C2orf68: variants seen among roughly 807,000 people sequenced by gnomAD.
The protein encoded by C2orf68 is chromosome 2 open reading frame 68.
A neutral mutation model predicts 19.1 loss-of-function variants in C2orf68; 15 were observed. The ratio of observed to expected loss-of-function variants is 0.79; its 90% CI spans 0.53 to 1.21. C2orf68 has a LOEUF of 1.21. Ranked by LOEUF, C2orf68 falls within the 50% of genes most tolerant of loss-of-function variation. The pLI is 0.00. For missense variants in C2orf68, 242 were observed against 226.6 expected, an observed-to-expected ratio of 1.07 and a Z score of -0.44; for synonymous variants, 98 against 91.0, an observed-to-expected ratio of 1.08 and a Z score of -0.44.
chr2:85,609,277 G>C (rs147787865), intron 3 of C2orf68, among the ~76,000 whole-genome samples, 158 bp downstream of exon 3: 84 of 152,348 alleles, frequency 5.5e-4, no homozygotes, highest in African/African-American at 2.0e-3. Flanking sequence ...TGAGATGGGA[G>C]TGAGTTGTGC....
chr2:85,611,958 C>G lies in C2orf68; in HGVS notation c.27G>C (p.Pro9=), dbSNP rs545756346. 2 of 1,556,098 alleles carry G rather than the reference C, an allele frequency of 1.3e-6. No individual in the cohort carries two copies. The highest frequency in any genetic ancestry group is 1.4e-5 in the African/African-American group (1 of 71,688). The change falls in exon 1 of 4, where the codon CCG becomes CCC. Residue 9 remains proline, a synonymous_variant. Transcript: ENST00000306336. The stretch of plus-strand genomic sequence containing the variant: ...GCCCCCCAGGCTTGCAGCAGTGCCC[C>G]GGCCGGGGATGCGGCCCCGCCTCCA... MEAGPHPR[P]GHCCKPGGRL... is the part of the protein sequence containing the mutation.
In C2orf68 at chr2:85,611,985, C is replaced by A; in HGVS notation, c.-1G>T. 1 of 1,531,388 alleles carries A rather than the reference C, an allele frequency of 6.5e-7. No individual in the cohort carries two copies. The highest frequency in any genetic ancestry group is 8.7e-7 in the Non-Finnish European group (1 of 1,151,018). The allele number at this position is 1,531,388 out of a possible 1,614,324, so 94.9% of individuals were successfully genotyped here. A position where few individuals can be genotyped will look rare whatever the true frequency, so the allele number is the denominator to read the frequency against. ...GCCGGGGATGCGGCCCCGCCTCCAT[C>A]AGGAGCCGGGGACGCAGAGTCGCCG... is the stretch of plus-strand genomic sequence containing the variant. On this transcript the variant is annotated 5_prime_UTR_variant, in exon 1 of 4. Coordinates refer to ENST00000306336, the MANE Select transcript of C2orf68 (RefSeq NM_001013649.4).
At chr2:85,609,175 G>T in intron 3 of C2orf68, 108 bp from the exon 4 acceptor site, 2 of 1,453,930 alleles carry the variant, frequency 1.4e-6, no homozygotes, top group Non-Finnish European at 1.9e-6. Flanking sequence ...AAGGCTTTTT[G>T]CCAGCACCTG....
chr2:85,609,691 C>CT (rs1164894749), intron 2 of C2orf68, 105 bp from the exon 3 acceptor site: 183 of 1,430,880 alleles, frequency 1.3e-4, no homozygotes, highest in East Asian at 3.7e-4. Flanking sequence ...CCCCAGTCTT[C>CT]TTTTTTTTGA....
At position 85,612,004 on chromosome 2, in the gene C2orf68, G is replaced by C. The variant is rs1295119239; in HGVS notation, c.-20C>G. The stretch of plus-strand genomic sequence containing the variant: ...CTCCATCAGGAGCCGGGGACGCAGA[G>C]TCGCCGCCGCCTCGACGGCCCCAAC... On this transcript the variant is annotated 5_prime_UTR_variant, in exon 1 of 4. Coordinates refer to ENST00000306336, the MANE Select transcript of C2orf68 (RefSeq NM_001013649.4). 1.3e-6 allele frequency: 2 copies of C among 1,489,884 alleles called. No homozygotes were observed. The highest frequency in any genetic ancestry group is 2.9e-5 in the African/African-American group (2 of 69,194). The allele number at this position is 1,489,884 out of a possible 1,614,324, so 92.3% of individuals were successfully genotyped here.
intron 2 of C2orf68, 148 bp downstream of exon 2, chr2:85,611,520 G>A (rs1229740264): frequency 6.4e-6 from 10 of 1,550,904 alleles, no homozygotes; most frequent in Non-Finnish European, 8.7e-6. Context: ...TCATTCAGCG[G>A]AGATTTGGGA....
chr2:85,611,606 G>A (rs777262137), intron 2 of C2orf68, 62 bp downstream of exon 2: 7 of 1,556,196 alleles, frequency 4.5e-6, no homozygotes, highest in Non-Finnish European at 6.1e-6. Flanking sequence ...TCCCTATAGA[G>A]AAGGGGAGTG....
At position 85,608,806 on chromosome 2, in the gene C2orf68, C is replaced by CGGTGG; in HGVS notation, c.*138_*139insCCACC. ...ACTGCAAGGCAGGCCAGGTGTAGTC[C>CGGTGG]TGCAACACCCTATGGATGCAGCAGC... On this transcript the variant is annotated 3_prime_UTR_variant, in exon 4 of 4. Coordinates refer to ENST00000306336, the MANE Select transcript of C2orf68 (RefSeq NM_001013649.4). 6 of 1,161,378 alleles carry CGGTGG rather than the reference C, an allele frequency of 5.2e-6. No homozygotes were observed. Among genetic ancestry groups the CGGTGG allele is most frequent in the Admixed American group, 2.2e-5 (1 of 44,922 alleles). The allele number at this position is 1,161,378 out of a possible 1,614,324, so 71.9% of individuals were successfully genotyped here. A position where few individuals can be genotyped will look rare whatever the true frequency, so the allele number is the denominator to read the frequency against.
At position 85,609,443 on chromosome 2, in the gene C2orf68, C is replaced by T. The variant is rs760612952; in HGVS notation, c.370G>A (p.Val124Ile). 11 of 1,613,974 alleles carry T rather than the reference C, an allele frequency of 6.8e-6. No homozygotes were observed. Among genetic ancestry groups the T allele is most frequent in the South Asian group, 3.3e-5 (3 of 91,074 alleles). Residue 124 changes from valine (V) to isoleucine (I), a missense_variant, in exon 3 of 4, where the codon GTC becomes ATC. By Grantham distance (29) the Val-to-Ile change is conservative (BLOSUM62 3). Coordinates refer to ENST00000306336, the MANE Select transcript of C2orf68 (RefSeq NM_001013649.4). ...GTTTCCACCAGGCGTACCTGATAGA[C>T]GATAACTGATGTGACCTCTCCACTG... Reference protein sequence around the residue: ...ADSGEVTSVIVYQGDDPGKVS... With the variant: ...ADSGEVTSVIIYQGDDPGKVS...
rs370522883 is a variant in C2orf68, at chr2:85,611,898, G to A, written c.87C>T (p.Ile29=). The change falls in exon 1 of 4, where the codon ATC becomes ATT. Residue 29 remains isoleucine, a synonymous_variant. Coordinates refer to ENST00000306336, the MANE Select transcript of C2orf68 (RefSeq NM_001013649.4). ...GGTACCGAGCGATCTGGTTCCGTCG[G>A]ATATGGTGCACGAAGCCGTGGTTCA... ...LDMNHGFVHH[I]RRNQIARDDY... 32 of 1,595,222 alleles carry A rather than the reference G, an allele frequency of 2.0e-5. No homozygotes were observed. Among genetic ancestry groups the A allele is most frequent in the Non-Finnish European group, 2.5e-5 (29 of 1,176,442 alleles).
chr2:85,610,013 GTTT>G (rs552989319), intron 2 of C2orf68, among the ~76,000 whole-genome samples: 76 of 125,150 alleles, frequency 6.1e-4, no homozygotes, highest in African/African-American at 2.3e-3. Flanking sequence ...AGTGTAAGTG[GTTT>G]TTTTTTTTTT....
In C2orf68 at chr2:85,605,266, C is replaced by T. The variant is rs900906744; in HGVS notation, c.*3679G>A. 6.6e-5 allele frequency among the ~76,000 whole-genome samples: 10 copies of T among 151,946 alleles called. No individual in the cohort carries two copies. The highest frequency in any genetic ancestry group is 2.1e-4 in the South Asian group (1 of 4,810). On this transcript the variant is annotated 3_prime_UTR_variant, in exon 4 of 4. Coordinates refer to ENST00000306336, the MANE Select transcript of C2orf68 (RefSeq NM_001013649.4). ...TTGGCAAAAACAGTGCTGTAAAAATCGTAAGTTTATTTGTTAAAAAAAATA... is the reference window on the plus strand; with the variant it reads ...TTGGCAAAAACAGTGCTGTAAAAATTGTAAGTTTATTTGTTAAAAAAAATA...
At chr2:85,609,932 T>C (rs1220980880) in intron 2 of C2orf68, among the ~76,000 whole-genome samples, 1 of 151,402 alleles carries the variant, frequency 6.6e-6, no homozygotes, top group Non-Finnish European at 1.5e-5. Context: ...CCACCCACCT[T>C]GGCCTCCCAA....
At chr2:85,609,608 A>C (rs1266600410) in intron 2 of C2orf68, 22 bp from the exon 3 acceptor site, 46 of 1,613,524 alleles carry the variant, frequency 2.9e-5, no homozygotes, top group Non-Finnish European at 3.9e-5. Flanking sequence ...AACCACAGTA[A>C]GAAAGAAGAG....
chr2:85,609,066 C>T lies in C2orf68; in HGVS notation c.380G>A (p.Gly127Asp), dbSNP rs760596326. 3 of 1,614,136 alleles carry T rather than the reference C, an allele frequency of 1.9e-6. No individual in the cohort carries two copies. The highest frequency in any genetic ancestry group is 2.5e-6 in the Non-Finnish European group (3 of 1,179,998). The change falls in exon 4 of 4, where the codon GGT becomes GAT. Residue 127 changes from glycine (G) to aspartate (D), a missense_variant and splice_region_variant. Gly to Asp is a moderately conservative substitution (Grantham distance 94). Transcript: ENST00000306336. Reference sequence around the variant, plus strand: ...CTCACTCACCTTTCCTGGGTCATCACCCTACGTGGAGGAAGAGTCAGAAGG... The same window carrying T: ...CTCACTCACCTTTCCTGGGTCATCATCCTACGTGGAGGAAGAGTCAGAAGG... ...GEVTSVIVYQGDDPGKVSEKV... is the reference protein window; with the variant it reads ...GEVTSVIVYQDDDPGKVSEKV...
rs1298745823 is a variant in C2orf68, at chr2:85,611,701, G to T, written c.193C>A (p.Pro65Thr). 2.5e-6 allele frequency: 4 copies of T among 1,584,750 alleles called. No homozygotes were observed. The highest frequency in any genetic ancestry group is 3.4e-6 in the Non-Finnish European group (4 of 1,166,856). ...HTPAPTRPRK[P>T]DLQVYLPRHR... ...CGCGGCAGGTACACCTGCAGGTCTG[G>T]CTTGCGGGGCCGCGTCGGCGCGGGC... Residue 65 changes from proline to threonine, a missense_variant, in exon 2 of 4, where the codon CCA (proline) becomes ACA (threonine). Pro to Thr is a conservative substitution (Grantham distance 38). Transcript: ENST00000306336.
chr2:85,611,670 C>G lies in C2orf68; in HGVS notation c.224G>C (p.Arg75Pro). ...GCAGGCGGGGCGGGCGGCCTCACCT[C>G]GGTGTCGCGGCAGGTACACCTGCAG... ...PDLQVYLPRH[R>P]DVSAHPRNPD... Residue 75 changes from arginine to proline, a missense_variant and splice_region_variant, in exon 2 of 4, where the codon CGA becomes CCA. By Grantham distance (103) the Arg-to-Pro change is moderately radical. Coordinates refer to ENST00000306336, the MANE Select transcript of C2orf68 (RefSeq NM_001013649.4). 1.3e-6 allele frequency: 2 copies of G among 1,560,174 alleles called. No individual in the cohort carries two copies. Among genetic ancestry groups the G allele is most frequent in the Non-Finnish European group, 8.7e-7 (1 of 1,152,548 alleles).
chr2:85,608,610 G>T lies in C2orf68; in HGVS notation c.*335C>A. On this transcript the variant is annotated 3_prime_UTR_variant, in exon 4 of 4. Coordinates refer to ENST00000306336, the MANE Select transcript of C2orf68 (RefSeq NM_001013649.4). ...CAGCAGCAGCCAGGCATATGACCTC[G>T]GTGAGAAAGCACCATGTTGCACGAG... The T allele has an allele frequency of 5.0e-6, 1 of 201,850 alleles. No individual in the cohort carries two copies. Among genetic ancestry groups the T allele is most frequent in the Non-Finnish European group, 9.8e-6 (1 of 101,708 alleles). 12.5% of individuals were successfully genotyped at this position (201,850 alleles called of 1,614,324 possible). A position where few individuals can be genotyped will look rare whatever the true frequency, so the allele number is the denominator to read the frequency against.
At position 85,608,837 on chromosome 2, in the gene C2orf68, G is replaced by A. The variant is rs561558122; in HGVS notation, c.*108C>T. On this transcript the variant is annotated 3_prime_UTR_variant, in exon 4 of 4. Transcript: ENST00000306336. ...CACCCTATGGATGCAGCAGCTCTGG[G>A]GGTCTCAAGATCAGACAAACTGGTC... The A allele has an allele frequency of 2.1e-5, 31 of 1,480,564 alleles. No homozygotes were observed. Among genetic ancestry groups the A allele is most frequent in the African/African-American group, 8.3e-5 (6 of 72,596 alleles). 91.7% of individuals were successfully genotyped at this position (1,480,564 alleles called of 1,614,324 possible).
Sources: gnomAD v4.1 joint callset for allele counts (sites outside exome capture counted in the v4.1 genomes callset) on GRCh38, gnomAD v4.1.1 for gene constraint, MANE v1.5 for transcripts, NCBI Gene and HGNC (gene_info 2026-07-23, HGNC 2026-07-21) for gene names.